Variants in SLC25A21 observed in about 807,000 individuals in gnomAD.
SLC25A21 encodes the protein mitochondrial 2-oxodicarboxylate carrier.
Under a neutral mutation model 43.8 loss-of-function variants are expected in SLC25A21, and 47 were observed. That is an observed-to-expected ratio of 1.07 (90% CI 0.85 to 1.37). The LOEUF (loss-of-function observed/expected upper bound fraction) is 1.37, where lower values mean the gene tolerates loss of function less well. Ranked by LOEUF, SLC25A21 falls within the 40% of genes most tolerant of loss-of-function variation. SLC25A21 has a pLI of 0.00. For synonymous variants in SLC25A21, 131 were observed against 121.3 expected, an observed-to-expected ratio of 1.08 and a Z score of -0.52; for missense variants, 352 against 350.2, an observed-to-expected ratio of 1.00 and a Z score of -0.04.
intron 5 of SLC25A21, among the ~76,000 whole-genome samples, chr14:36,727,087 T>C (rs1200295465): frequency 6.6e-6 from 1 of 152,092 alleles, no homozygotes; most frequent in Non-Finnish European, 1.5e-5. Context: ...TAGACAAAGG[T>C]GCCCAACCAA....
chr14:36,720,415 G>T (rs987552358), intron 6 of SLC25A21, among the ~76,000 whole-genome samples: 1 of 152,218 alleles, frequency 6.6e-6, no homozygotes, highest in Non-Finnish European at 1.5e-5. Flanking sequence ...AAGACATTAG[G>T]GTAGACAGGT....
chr14:36,939,681 T>G (rs1445023050), intron 1 of SLC25A21, among the ~76,000 whole-genome samples: 1 of 152,130 alleles, frequency 6.6e-6, no homozygotes, highest in East Asian at 1.9e-4. Context: ...GAGGGAAATG[T>G]ATTTAATATT....
At chr14:36,893,069 T>C (rs1165981851) in intron 1 of SLC25A21, among the ~76,000 whole-genome samples, 1 of 152,224 alleles carries the variant, frequency 6.6e-6, no homozygotes, top group African/African-American at 2.4e-5. Context: ...TAACCAGTAA[T>C]GGGATGGCTG....
chr14:36,702,917 A>G (rs1267864969), intron 7 of SLC25A21, among the ~76,000 whole-genome samples: 2 of 151,540 alleles, frequency 1.3e-5, no homozygotes, highest in African/African-American at 4.9e-5. Flanking sequence ...CCTCTCCCAT[A>G]CCCCCTCCCC....
intron 9 of SLC25A21, among the ~76,000 whole-genome samples, chr14:36,683,462 C>T (rs1029969263): frequency 1.3e-5 from 2 of 152,240 alleles, no homozygotes; most frequent in African/African-American, 2.4e-5. Flanking sequence ...ATTAGGAGCA[C>T]GAGGAAACGT....
At chr14:36,898,328 C>T (rs140071662) in intron 1 of SLC25A21, among the ~76,000 whole-genome samples, 2,017 of 152,282 alleles carry the variant, frequency 0.013, 41 homozygotes, top group African/African-American at 0.045. Flanking sequence ...TAGGACCCTC[C>T]GATCCAGGCA....
intron 1 of SLC25A21, among the ~76,000 whole-genome samples, chr14:37,099,170 A>C (rs1266725919): frequency 6.6e-6 from 1 of 152,084 alleles, no homozygotes; most frequent in Non-Finnish European, 1.5e-5. Flanking sequence ...GGGCTTCCCC[A>C]AAGTCAGGAG....
In SLC25A21 at chr14:37,169,304, C is replaced by G. The variant is rs1211883656; in HGVS notation, c.70+2977G>C. ...TCTGTGGAAGTCTTGCAAGCCATCC[C>G]GAAAGGTGTAGTAGTAATACTTGTG... On this transcript the variant is annotated intron_variant, in intron 1 of 9. Transcript: ENST00000331299. Among the ~76,000 whole-genome samples, 3 of 152,004 alleles carry G rather than the reference C, an allele frequency of 2.0e-5. No homozygotes were observed. In the East Asian group the frequency reaches 5.8e-4, roughly 29 times the overall value.
chr14:37,057,301 A>G (rs1352705129), intron 1 of SLC25A21, among the ~76,000 whole-genome samples: 1 of 152,186 alleles, frequency 6.6e-6, no homozygotes, highest in Non-Finnish European at 1.5e-5. Context: ...CTAAAAAGCA[A>G]TATTCCAGGT....
In SLC25A21 at chr14:36,679,838, C is replaced by T; in HGVS notation, c.*820G>A. ...AATTTGTGATTTAACATGACAATAT[C>T]TCATCAACAAAACTTATCTTCAAAG... On this transcript the variant is annotated 3_prime_UTR_variant, in exon 10 of 10. Transcript: ENST00000331299. 4 of 984,506 alleles carry T rather than the reference C, an allele frequency of 4.1e-6. No homozygotes were observed. The highest frequency in any genetic ancestry group is 4.8e-6 in the Non-Finnish European group (4 of 829,162). 61.0% of individuals were successfully genotyped at this position (984,506 alleles called of 1,614,324 possible).
chr14:36,918,199 A>G (rs570980345), intron 1 of SLC25A21, among the ~76,000 whole-genome samples: 1 of 152,274 alleles, frequency 6.6e-6, no homozygotes, highest in East Asian at 1.9e-4. Flanking sequence ...TTGAGCTGAA[A>G]AAGTTTCAAA....
intron 2 of SLC25A21, among the ~76,000 whole-genome samples, chr14:36,859,649 C>T (rs186576425): frequency 6.6e-6 from 1 of 152,024 alleles, no homozygotes; most frequent in African/African-American, 2.4e-5. Context: ...GGTGCACAGA[C>T]CCTGGAAAAT....
chr14:36,886,796 A>G (rs1890927318), intron 1 of SLC25A21, among the ~76,000 whole-genome samples: 1 of 152,174 alleles, frequency 6.6e-6, no homozygotes, highest in Non-Finnish European at 1.5e-5. Context: ...TTTAAAAAAT[A>G]TTGTTTGGTA....
intron 6 of SLC25A21, among the ~76,000 whole-genome samples, chr14:36,714,255 A>G (rs898887233): frequency 2.6e-5 from 4 of 152,234 alleles, no homozygotes; most frequent in Non-Finnish European, 4.4e-5. Context: ...TGAGGGAGAG[A>G]AAGCTTCTTT....
rs1889657851 is a variant in SLC25A21, at chr14:36,849,564, T to C, written c.119+25392A>G. On this transcript the variant is annotated intron_variant, in intron 2 of 9. Coordinates refer to ENST00000331299, the MANE Select transcript of SLC25A21 (RefSeq NM_030631.4). ...AAAAGAAAGAACTTATTTCCTTTCA[T>C]AGTTCGATTCAATGAAATACAAATT... 2.0e-5 allele frequency among the ~76,000 whole-genome samples: 3 copies of C among 152,236 alleles called. No homozygotes were observed. The South Asian group carries it at 6.2e-4, about 31-fold the overall frequency.
intron 3 of SLC25A21, among the ~76,000 whole-genome samples, 193 bp from the exon 4 acceptor site, chr14:36,734,766 T>G (rs1373339113): frequency 6.6e-6 from 1 of 152,208 alleles, no homozygotes; most frequent in Non-Finnish European, 1.5e-5. Context: ...GGTAAATACG[T>G]GATACTGAGA....
intron 2 of SLC25A21, among the ~76,000 whole-genome samples, chr14:36,872,973 G>C (rs913744606): frequency 1.3e-5 from 2 of 152,158 alleles, no homozygotes; most frequent in African/African-American, 4.8e-5. Flanking sequence ...CACGTGTGTT[G>C]AATGGATGAA....
intron 2 of SLC25A21, among the ~76,000 whole-genome samples, chr14:36,833,531 T>C (rs2138484495): frequency 6.6e-6 from 1 of 152,290 alleles, no homozygotes; most frequent in East Asian, 1.9e-4. Flanking sequence ...CAAACAGAAG[T>C]AAGTACCTAA....
chr14:36,735,782 C>T (rs1031031885), intron 3 of SLC25A21, among the ~76,000 whole-genome samples: 7 of 150,200 alleles, frequency 4.7e-5, no homozygotes, highest in Admixed American at 2.0e-4. Context: ...TTGAGGGCAG[C>T]GCACCCTTTG....
Sources: gnomAD v4.1 joint callset for allele counts (sites outside exome capture counted in the v4.1 genomes callset) on GRCh38, gnomAD v4.1.1 for gene constraint, MANE v1.5 for transcripts, NCBI Gene and HGNC (gene_info 2026-07-23, HGNC 2026-07-21) for gene names.